The following DOK6 variants were observed in gnomAD, a reference collection of about 807,000 sequenced individuals.
The protein encoded by DOK6 is downstream of tyrosine kinase 6.
In DOK6, 22 loss-of-function variants were observed where a neutral mutation model predicts 44.0. That is an observed-to-expected ratio of 0.50 (90% CI 0.36 to 0.71). The LOEUF (loss-of-function observed/expected upper bound fraction) is 0.71. Ranked by LOEUF, DOK6 falls within the 30% of genes least tolerant of loss-of-function variation. DOK6 has a pLI of 0.00. For missense variants in DOK6, 340 were observed against 416.4 expected (o/e 0.82, Z 1.60); for synonymous variants, 166 against 145.5 (o/e 1.14, Z -1.01).
intron 1 of DOK6, among the ~76,000 whole-genome samples, chr18:69,466,082 G>C (rs919711261): frequency 1.3e-5 from 2 of 152,128 alleles, no homozygotes; most frequent in African/African-American, 4.8e-5. Context: ...ATTAACTGTA[G>C]TTACCATGCT....
intron 1 of DOK6, among the ~76,000 whole-genome samples, chr18:69,558,797 G>T (rs560922176): frequency 6.6e-6 from 1 of 152,120 alleles, no homozygotes; most frequent in Non-Finnish European, 1.5e-5. Context: ...AACAGAACAG[G>T]ACGAGAAAAA....
At chr18:69,501,039 A>C (rs1981035014) in intron 1 of DOK6, among the ~76,000 whole-genome samples, 1 of 152,156 alleles carries the variant, frequency 6.6e-6, no homozygotes, top group African/African-American at 2.4e-5. Context: ...GAGAAAAACA[A>C]CTCTAGAAAA....
At chr18:69,783,155 C>T (rs1980327711) in intron 7 of DOK6, among the ~76,000 whole-genome samples, 1 of 152,248 alleles carries the variant, frequency 6.6e-6, no homozygotes, top group Non-Finnish European at 1.5e-5. Context: ...GAGCAGACAG[C>T]TCCTACTGTG....
intron 5 of DOK6, among the ~76,000 whole-genome samples, chr18:69,708,529 G>A (rs536230630): frequency 6.6e-5 from 10 of 152,252 alleles, no homozygotes; most frequent in South Asian, 6.2e-4. Flanking sequence ...GCTCACGCCC[G>A]TAATCCCAGC....
intron 1 of DOK6, among the ~76,000 whole-genome samples, chr18:69,478,332 C>T (rs1345579342): frequency 1.3e-5 from 2 of 152,142 alleles, no homozygotes; most frequent in Non-Finnish European, 2.9e-5. Context: ...GTACGTTGAA[C>T]ATAAATCCAT....
At chr18:69,647,080 C>T (rs1242667423) in intron 3 of DOK6, among the ~76,000 whole-genome samples, 2 of 132,626 alleles carry the variant, frequency 1.5e-5, no homozygotes, top group African/African-American at 5.5e-5. Context: ...TCCCATCTGT[C>T]TATCCTATCT....
At position 69,843,162 on chromosome 18, in the gene DOK6, A is replaced by G. The variant is rs1472752553; in HGVS notation, c.*1779A>G. Reference sequence around the variant, plus strand: ...ATCAAGATACTAATCGTAAGAGTTAATGTGGCTGCAAAAAATAATTATCCT... The same window carrying G: ...ATCAAGATACTAATCGTAAGAGTTAGTGTGGCTGCAAAAAATAATTATCCT... On this transcript the variant is annotated 3_prime_UTR_variant, in exon 8 of 8. Coordinates refer to ENST00000382713, the MANE Select transcript of DOK6 (RefSeq NM_152721.6). 3 of 152,240 alleles carry G rather than the reference A, an allele frequency of 2.0e-5. No individual in the cohort carries two copies. The highest frequency in any genetic ancestry group is 4.4e-5 in the Non-Finnish European group (3 of 68,038). The allele number at this position is 152,240 out of a possible 1,614,324, so 9.4% of individuals were successfully genotyped here.
At chr18:69,766,286 G>A (rs1047863190) in intron 7 of DOK6, among the ~76,000 whole-genome samples, 11 of 152,240 alleles carry the variant, frequency 7.2e-5, no homozygotes, top group Middle Eastern at 3.4e-3. Flanking sequence ...ACTAACTATT[G>A]GGTACTATGC....
intron 7 of DOK6, among the ~76,000 whole-genome samples, chr18:69,808,035 A>C (rs1357127346): frequency 6.6e-6 from 1 of 151,874 alleles, no homozygotes; most frequent in African/African-American, 2.4e-5. Flanking sequence ...GTTAGATCAC[A>C]TGTTAGGCCA....
intron 3 of DOK6, among the ~76,000 whole-genome samples, chr18:69,604,914 G>T (rs1179517598): frequency 6.6e-6 from 1 of 152,118 alleles, no homozygotes; most frequent in East Asian, 1.9e-4. Context: ...GTTTTGTTAT[G>T]TGGGTACATT....
intron 1 of DOK6, among the ~76,000 whole-genome samples, chr18:69,508,262 T>C (rs1485482065): frequency 6.6e-6 from 1 of 152,196 alleles, no homozygotes; most frequent in Non-Finnish European, 1.5e-5. Flanking sequence ...TCTTTGCTGC[T>C]ATTTTATGGA....
intron 5 of DOK6, among the ~76,000 whole-genome samples, chr18:69,733,991 A>AT (rs1289684906): frequency 6.6e-6 from 1 of 152,152 alleles, no homozygotes; most frequent in Non-Finnish European, 1.5e-5. Flanking sequence ...AAATTCATCT[A>AT]TCTTTTCTTC....
intron 2 of DOK6, 39 bp downstream of exon 2, chr18:69,564,633 G>GC: frequency 6.6e-7 from 1 of 1,506,758 alleles, no homozygotes; most frequent in Non-Finnish European, 9.1e-7. Context: ...GAATAACTGG[G>GC]CCCTTGAAGA....
chr18:69,745,156 C>CATGT (rs1348479499), intron 6 of DOK6, among the ~76,000 whole-genome samples: 3 of 152,026 alleles, frequency 2.0e-5, no homozygotes, highest in Admixed American at 6.6e-5. Context: ...AAATGCATTT[C>CATGT]ATGTATGTAT....
chr18:69,563,800 A>AT (rs1289929025), intron 1 of DOK6, among the ~76,000 whole-genome samples: 6 of 151,580 alleles, frequency 4.0e-5, no homozygotes, highest in Non-Finnish European at 8.8e-5. Context: ...TTAAAGTATA[A>AT]TAAAAAAAAA....
chr18:69,492,565 A>G (rs894498753), intron 1 of DOK6, among the ~76,000 whole-genome samples: 24 of 152,020 alleles, frequency 1.6e-4, no homozygotes, highest in Non-Finnish European at 5.9e-5. Context: ...GTAGTTTTTC[A>G]ATCCTCACCC....
At chr18:69,733,705 C>G (rs576097152) in intron 5 of DOK6, among the ~76,000 whole-genome samples, 22 of 147,978 alleles carry the variant, frequency 1.5e-4, no homozygotes, top group Non-Finnish European at 2.4e-4. Context: ...ATTACTTTCA[C>G]CTGAAAAATA....
intron 2 of DOK6, among the ~76,000 whole-genome samples, chr18:69,594,043 T>G (rs1366598100): frequency 2.0e-5 from 3 of 152,190 alleles, no homozygotes; most frequent in Non-Finnish European, 2.9e-5. Context: ...CATTAATCAT[T>G]TAAAAATTAC....
chr18:69,739,253 T>A, intron 6 of DOK6, 150 bp downstream of exon 6: 1 of 982,062 alleles, frequency 1.0e-6, no homozygotes, highest in Non-Finnish European at 1.5e-6. Flanking sequence ...CTCATCTCTC[T>A]AATATCCTAT....
Sources: gnomAD v4.1 joint callset for allele counts (sites outside exome capture counted in the v4.1 genomes callset) on GRCh38, gnomAD v4.1.1 for gene constraint, MANE v1.5 for transcripts, NCBI Gene and HGNC (gene_info 2026-07-23, HGNC 2026-07-21) for gene names.